ITSN2: variants seen among roughly 807,000 people sequenced by gnomAD.
The protein encoded by ITSN2 is intersectin-2.
A neutral mutation model predicts 243.7 loss-of-function variants in ITSN2; 156 were observed. The observed-to-expected ratio is 0.64, with a 90% CI of 0.56 to 0.73. The LOEUF (loss-of-function observed/expected upper bound fraction) is 0.73, where lower values mean the gene tolerates loss of function less well. Ranked by LOEUF, ITSN2 falls within the 30% of genes least tolerant of loss-of-function variation. ITSN2 has a pLI of 0.00. For synonymous variants in ITSN2, 703 were observed against 699.9 expected (o/e 1.00, Z -0.07); for missense variants, 1,801 against 1,996.1 (o/e 0.90, Z 1.86).
intron 29 of ITSN2, chr2:24,239,566 T>C (rs749088849): frequency 1.1e-4 from 16 of 152,112 alleles, no homozygotes; most frequent in Non-Finnish European, 1.9e-4. Context: ...TTATTATACA[T>C]TGCAATTGCA....
At chr2:24,343,707 A>G (rs1396240401) in intron 1 of ITSN2, among the ~76,000 whole-genome samples, 2 of 152,232 alleles carry the variant, frequency 1.3e-5, no homozygotes, top group African/African-American at 4.8e-5. Flanking sequence ...ACAGGCTGAT[A>G]GCATAATACC....
At chr2:24,298,548 G>A (rs1681290477) in intron 13 of ITSN2, 117 bp downstream of exon 13, 1 of 877,186 alleles carries the variant, frequency 1.1e-6, no homozygotes, top group South Asian at 2.0e-5. Context: ...TGCCTGCCTT[G>A]GCCTCCCAAA....
In ITSN2 at chr2:24,286,277, C is replaced by G. The variant is rs781105386; in HGVS notation, c.1798G>C (p.Asp600His). The G allele has an allele frequency of 4.4e-6, 7 of 1,603,228 alleles. No individual in the cohort carries two copies. Among genetic ancestry groups the G allele is most frequent in the East Asian group, 2.2e-5 (1 of 44,702 alleles). Residue 600 changes from aspartate to histidine, a missense_variant, in exon 16 of 40, where the codon GAT (aspartate) becomes CAT (histidine). By Grantham distance (81) the Asp-to-His change is moderately conservative. This residue lies in a region of ITSN2 where 787 missense variants were observed against 803.9 expected (regional missense o/e 0.98). Transcript: ENST00000355123. The stretch of plus-strand genomic sequence containing the variant: ...GATGCAGTTTCTTTTTCAAGAGCAT[C>G]TAACTGTTCTTTAAGTCTTTGGCAT... ...ELCQRLKEQL[D>H]ALEKETASKL...
At chr2:24,325,928 TACACACACACAC>T (rs776133866) in intron 2 of ITSN2, among the ~76,000 whole-genome samples, 4 of 151,456 alleles carry the variant, frequency 2.6e-5, no homozygotes, top group African/African-American at 7.3e-5. Flanking sequence ...CGTATATACA[TACACACACACAC>T]ATACACACAC....
At chr2:24,226,856 T>G (rs966029574) in intron 29 of ITSN2, among the ~76,000 whole-genome samples, 4 of 152,216 alleles carry the variant, frequency 2.6e-5, no homozygotes, top group African/African-American at 9.6e-5. Context: ...TATTTCACTT[T>G]AAAGAAAAAG....
chr2:24,206,370 CGGG>C, intron 37 of ITSN2: 1 of 252,056 alleles, frequency 4.0e-6, no homozygotes, highest in Non-Finnish European at 8.4e-6. Flanking sequence ...GGGGGCCCGG[CGGG>C]AAGGAAGGTG....
chr2:24,260,067 C>T (rs1442696169), intron 22 of ITSN2, among the ~76,000 whole-genome samples: 1 of 152,128 alleles, frequency 6.6e-6, no homozygotes, highest in Non-Finnish European at 1.5e-5. Context: ...ACTACAGGCA[C>T]ATGCCACTAT....
At chr2:24,274,542 C>T (rs1677787690) in intron 18 of ITSN2, among the ~76,000 whole-genome samples, 1 of 152,104 alleles carries the variant, frequency 6.6e-6, no homozygotes. Context: ...CCACTGCAAT[C>T]CAGCCTCGGT....
chr2:24,279,726 CTTTTTTTTTT>C (rs955431908), intron 17 of ITSN2, among the ~76,000 whole-genome samples: 2 of 78,246 alleles, frequency 2.6e-5, no homozygotes, highest in Non-Finnish European at 2.4e-5. Flanking sequence ...TGTGAATTTT[CTTTTTTTTTT>C]TTTTTTTTTT....
intron 37 of ITSN2, 24 bp from the exon 38 acceptor site, chr2:24,205,321 C>A: frequency 6.3e-7 from 1 of 1,594,838 alleles, no homozygotes; most frequent in South Asian, 1.1e-5. Flanking sequence ...AGACAAGTCT[C>A]ATTAATCTCT....
At chr2:24,300,315 C>G (rs1681557790) in intron 11 of ITSN2, 144 bp from the exon 12 acceptor site, 1 of 739,262 alleles carries the variant, frequency 1.4e-6, no homozygotes, top group Non-Finnish European at 2.1e-6. Flanking sequence ...TAACTCAAAT[C>G]TAAGTGGAAA....
At chr2:24,311,215 TGTAA>T (rs1558606161) in intron 5 of ITSN2, among the ~76,000 whole-genome samples, 1 of 152,240 alleles carries the variant, frequency 6.6e-6, no homozygotes, top group Admixed American at 6.5e-5. Flanking sequence ...TTACTTTTCT[TGTAA>T]GTAACATTCC....
chr2:24,269,268 G>A (rs948761455), intron 20 of ITSN2, among the ~76,000 whole-genome samples: 9 of 152,068 alleles, frequency 5.9e-5, no homozygotes, highest in South Asian at 4.2e-4. Flanking sequence ...AGCCCAGACC[G>A]CTGCCTGACA....
At chr2:24,266,810 G>A (rs922864425) in intron 20 of ITSN2, among the ~76,000 whole-genome samples, 1 of 151,062 alleles carries the variant, frequency 6.6e-6, no homozygotes, top group African/African-American at 2.4e-5. Flanking sequence ...GGTGGTGTGT[G>A]CCTGTAGTCT....
At chr2:24,293,314 C>T (rs1680511885) in intron 15 of ITSN2, 1 of 159,182 alleles carries the variant, frequency 6.3e-6, no homozygotes, top group African/African-American at 2.4e-5. Flanking sequence ...GCGGCCCCAC[C>T]ATAAAGCCTC....
intron 23 of ITSN2, among the ~76,000 whole-genome samples, 178 bp from the exon 24 acceptor site, chr2:24,254,609 C>G (rs1016262360): frequency 6.6e-6 from 1 of 152,100 alleles, no homozygotes; most frequent in African/African-American, 2.4e-5. Context: ...GGATTAAGAA[C>G]AGCCTAATTA....
At chr2:24,241,931 A>G (rs1170074166) in intron 29 of ITSN2, 6 of 152,664 alleles carry the variant, frequency 3.9e-5, no homozygotes, top group Admixed American at 2.0e-4. Context: ...ACCTACAATT[A>G]TCAAATTAAA....
rs72787381 is a variant in ITSN2 at position 24,359,603 on chromosome 2, C to T, written c.-34+701G>A. 1.9e-3 allele frequency among the ~76,000 whole-genome samples: 284 copies of T among 152,160 alleles called. 1 individual carries two copies. Among genetic ancestry groups the T allele is most frequent in the Non-Finnish European group, 3.4e-3 (233 of 67,994 alleles). On this transcript the variant is annotated intron_variant, in intron 1 of 39. Transcript: ENST00000355123. ...ATCTGCAGTTTCAGCCTCGGTTTAC[C>T]CACTCACTATGCATATGCAGACGTC...
chr2:24,327,460 G>A lies in ITSN2; in HGVS notation c.31+592C>T, dbSNP rs6731098. Among the ~76,000 whole-genome samples the A allele has an allele frequency of 9.2e-3, 1,389 of 151,592 alleles. 17 individuals carry two copies. The highest frequency in any genetic ancestry group is 0.033 in the African/African-American group (1,344 of 41,328). ...ATTACAGGTGCCCATGACCACACTC[G>A]GCTAGTTTTTGTATTTTTAGTAGAG... On this transcript the variant is annotated intron_variant, in intron 2 of 39. Transcript: ENST00000355123.
Sources: gnomAD v4.1 joint callset for allele counts (sites outside exome capture counted in the v4.1 genomes callset) on GRCh38, gnomAD v4.1.1 for gene constraint, gnomAD v4.1.1 regional missense constraint, MANE v1.5 for transcripts, NCBI Gene and HGNC (gene_info 2026-07-23, HGNC 2026-07-21) for gene names.